The following STXBP3 variants were observed in gnomAD, a reference collection of about 807,000 sequenced individuals.
STXBP3 encodes syntaxin-binding protein 3.
A neutral mutation model predicts 85.7 loss-of-function variants in STXBP3; 41 were observed. The observed-to-expected ratio is 0.48, with a 90% CI of 0.37 to 0.62. The LOEUF (loss-of-function observed/expected upper bound fraction) is 0.62. Ranked by LOEUF, STXBP3 falls within the 20% of genes least tolerant of loss-of-function variation. The pLI is 0.00. For missense variants in STXBP3, 563 were observed against 703.1 expected, an observed-to-expected ratio of 0.80 and a Z score of 2.25; for synonymous variants, 229 against 231.7, an observed-to-expected ratio of 0.99 and a Z score of 0.10.
At chr1:108,805,170 A>G (rs915661486) in intron 17 of STXBP3, among the ~76,000 whole-genome samples, 2 of 152,156 alleles carry the variant, frequency 1.3e-5, no homozygotes, top group African/African-American at 4.8e-5. Context: ...AATTGTTAGA[A>G]TTGTTTTGAG....
intron 17 of STXBP3, among the ~76,000 whole-genome samples, chr1:108,801,241 C>A (rs1269124275): frequency 6.6e-6 from 1 of 152,116 alleles, no homozygotes; most frequent in Non-Finnish European, 1.5e-5. Context: ...AAGTCCCTAA[C>A]ATCTGAGTCT....
intron 6 of STXBP3, among the ~76,000 whole-genome samples, chr1:108,765,027 CTT>C (rs1178303296): frequency 6.6e-6 from 1 of 152,086 alleles, no homozygotes; most frequent in East Asian, 1.9e-4. Flanking sequence ...ACCTTTAAGT[CTT>C]TAATCCATCT....
chr1:108,754,216 G>A (rs565221848), intron 3 of STXBP3, among the ~76,000 whole-genome samples: 151 of 151,782 alleles, frequency 9.9e-4, no homozygotes, highest in Admixed American at 1.6e-3. Flanking sequence ...TATTTTCTTG[G>A]ATAGAAACAG....
At chr1:108,797,873 C>T (rs1233809250) in intron 15 of STXBP3, among the ~76,000 whole-genome samples, 1 of 152,080 alleles carries the variant, frequency 6.6e-6, no homozygotes, top group East Asian at 1.9e-4. Flanking sequence ...GTAGCTGGGA[C>T]TACAGCCATC....
intron 15 of STXBP3, among the ~76,000 whole-genome samples, chr1:108,797,217 G>T (rs1332953568): frequency 6.6e-6 from 1 of 151,590 alleles, no homozygotes; most frequent in Non-Finnish European, 1.5e-5. Context: ...AACCAGGTGT[G>T]TTGGTGTGTA....
Position 108,793,305 on chromosome 1 carries a change from G to A in STXBP3, c.964-277G>A, listed in dbSNP as rs150247667. Among the ~76,000 whole-genome samples the A allele has an allele frequency of 2.2e-4, 33 of 151,740 alleles. No homozygotes were observed. The East Asian group carries it at 6.4e-3, about 29-fold the overall frequency. On this transcript the variant is annotated intron_variant, in intron 11 of 18. Coordinates refer to ENST00000370008, the MANE Select transcript of STXBP3 (RefSeq NM_007269.4). Reference sequence around the variant, plus strand: ...CACCTTTGGTGCTTTCCTTCACTCAGCTGTCTCAGCTGTGAGCTATTTTTA... The same window carrying A: ...CACCTTTGGTGCTTTCCTTCACTCAACTGTCTCAGCTGTGAGCTATTTTTA...
intron 9 of STXBP3, chr1:108,781,382 G>T (rs1662712760): frequency 6.6e-6 from 1 of 152,182 alleles, no homozygotes; most frequent in African/African-American, 2.4e-5. Context: ...GAAATCAGTA[G>T]TTCCAAGGAT....
At chr1:108,783,427 A>T (rs753994119) in intron 11 of STXBP3, among the ~76,000 whole-genome samples, 2 of 152,256 alleles carry the variant, frequency 1.3e-5, no homozygotes, top group East Asian at 3.9e-4. Context: ...TCTAATTTTC[A>T]TCACCATAGA....
At chr1:108,757,234 C>A (rs899360438) in intron 4 of STXBP3, among the ~76,000 whole-genome samples, 8 of 151,928 alleles carry the variant, frequency 5.3e-5, no homozygotes, top group African/African-American at 1.9e-4. Flanking sequence ...GACTCTATGA[C>A]CTAACTCATA....
intron 5 of STXBP3, chr1:108,758,971 A>C (rs1330987131): frequency 1.3e-5 from 2 of 152,680 alleles, no homozygotes; most frequent in Non-Finnish European, 2.9e-5. Context: ...TCTCTTGTGA[A>C]AAACAAAGAC....
At chr1:108,807,131 A>G (rs539956588) in intron 17 of STXBP3, among the ~76,000 whole-genome samples, 1 of 152,050 alleles carries the variant, frequency 6.6e-6, no homozygotes, top group Admixed American at 6.6e-5. Context: ...ACATGCCTGT[A>G]ATCCTAGCTA....
chr1:108,771,652 ATC>A (rs796072510), intron 6 of STXBP3, among the ~76,000 whole-genome samples: 6 of 8,400 alleles, frequency 7.1e-4, no homozygotes, highest in South Asian at 3.3e-3. Context: ...TATGATATAT[ATC>A]TATATATATC....
intron 6 of STXBP3, among the ~76,000 whole-genome samples, chr1:108,771,584 CTA>C (rs368555247): frequency 0.13 from 1,840 of 13,762 alleles, 259 homozygotes; most frequent in Non-Finnish European, 0.2. Flanking sequence ...TGATATATAT[CTA>C]TATATATCAT....
In STXBP3 at chr1:108,779,417, A is replaced by T; in HGVS notation, c.809+7A>T. 1 of 1,608,336 alleles carries T rather than the reference A, an allele frequency of 6.2e-7. No individual in the cohort carries two copies. Among genetic ancestry groups the T allele is most frequent in the Non-Finnish European group, 8.5e-7 (1 of 1,176,966 alleles). On this transcript the variant is annotated splice_region_variant and intron_variant, in intron 9 of 18. Transcript: ENST00000370008. Reference sequence around the variant, plus strand: ...TTGAGAATGATACATACAAGCAAGTATAACTTGAAGGGCATATAAAGGGCA... The same window carrying T: ...TTGAGAATGATACATACAAGCAAGTTTAACTTGAAGGGCATATAAAGGGCA...
intron 3 of STXBP3, among the ~76,000 whole-genome samples, chr1:108,755,237 G>A (rs1661993104): frequency 6.6e-6 from 1 of 152,072 alleles, no homozygotes; most frequent in African/African-American, 2.4e-5. Flanking sequence ...CTTGAACTCA[G>A]GAGTTCAAGA....
At chr1:108,749,392 C>G (rs114983860) in intron 1 of STXBP3, among the ~76,000 whole-genome samples, 1 of 151,980 alleles carries the variant, frequency 6.6e-6, no homozygotes, top group African/African-American at 2.4e-5. Flanking sequence ...TGTGGAAAAT[C>G]GAAAGATTAA....
At chr1:108,764,623 TTGATTTGCATTTCTTTAATGATCAG>T (rs1662218258) in intron 6 of STXBP3, among the ~76,000 whole-genome samples, 1 of 152,208 alleles carries the variant, frequency 6.6e-6, no homozygotes, top group Non-Finnish European at 1.5e-5. Flanking sequence ...CATTGTGGTT[TTGATTTGCATTTCTTTAATGATCAG>T]TGATTTGAGC....
chr1:108,751,792 G>C (rs1661911699), intron 1 of STXBP3, among the ~76,000 whole-genome samples: 1 of 151,972 alleles, frequency 6.6e-6, no homozygotes, highest in Admixed American at 6.6e-5. Context: ...ACTGAATATT[G>C]GTATCCAAAT....
At chr1:108,801,424 TTCTC>T (rs1232395029) in intron 17 of STXBP3, among the ~76,000 whole-genome samples, 2 of 152,164 alleles carry the variant, frequency 1.3e-5, no homozygotes, top group Non-Finnish European at 2.9e-5. Context: ...TATGGAATCT[TTCTC>T]TCTTGCTCTC....
Sources: gnomAD v4.1 joint callset for allele counts (sites outside exome capture counted in the v4.1 genomes callset) on GRCh38, gnomAD v4.1.1 for gene constraint, MANE v1.5 for transcripts, NCBI Gene and HGNC (gene_info 2026-07-23, HGNC 2026-07-21) for gene names.